Variants in FOXP2 observed in about 807,000 individuals in gnomAD.
The protein encoded by FOXP2 is forkhead box protein P2.
In FOXP2, 12 loss-of-function variants were observed where a neutral mutation model predicts 115.8. The ratio of observed to expected loss-of-function variants is 0.10; its 90% CI spans 0.07 to 0.17. The LOEUF is 0.17. FOXP2 is among the 10% of genes least tolerant of loss of function. FOXP2 has a pLI of 1.00. For synonymous variants in FOXP2, 328 were observed against 297.7 expected, an observed-to-expected ratio of 1.10 and a Z score of -1.05; for missense variants, 629 against 843.5, an observed-to-expected ratio of 0.75 and a Z score of 3.15.
At chr7:114,480,495 T>G (rs1191688456) in intron 2 of FOXP2, among the ~76,000 whole-genome samples, 2 of 151,084 alleles carry the variant, frequency 1.3e-5, no homozygotes, top group African/African-American at 4.8e-5. Flanking sequence ...ATTGTCACCA[T>G]GACGCAGAAA....
At chr7:114,246,858 A>G (rs898211122) in intron 1 of FOXP2, among the ~76,000 whole-genome samples, 4 of 152,172 alleles carry the variant, frequency 2.6e-5, no homozygotes, top group African/African-American at 9.6e-5. Flanking sequence ...GAAAATGTGC[A>G]GTGGACTGTT....
intron 2 of FOXP2, among the ~76,000 whole-genome samples, chr7:114,357,304 A>G (rs1314102738): frequency 6.6e-6 from 1 of 152,200 alleles, no homozygotes; most frequent in Non-Finnish European, 1.5e-5. Flanking sequence ...GTCACCTAGG[A>G]TAAACTGGAA....
chr7:114,235,279 T>A (rs1290003829), intron 1 of FOXP2, among the ~76,000 whole-genome samples: 1 of 152,222 alleles, frequency 6.6e-6, no homozygotes, highest in Non-Finnish European at 1.5e-5. Flanking sequence ...TTATTTTATA[T>A]CTGTGCATAT....
At chr7:114,611,061 A>G (rs1415802557) in intron 3 of FOXP2, among the ~76,000 whole-genome samples, 1 of 152,216 alleles carries the variant, frequency 6.6e-6, no homozygotes, top group Non-Finnish European at 1.5e-5. Context: ...TTTCATCCGT[A>G]TCTTTGTGTA....
intron 8 of FOXP2, among the ~76,000 whole-genome samples, chr7:114,650,331 A>G (rs890733735): frequency 1.3e-5 from 2 of 151,930 alleles, no homozygotes; most frequent in Non-Finnish European, 2.9e-5. Context: ...CTGCATTTAC[A>G]CCCTAATCTC....
At chr7:114,160,342 TC>T (rs1184522075), upstream of FOXP2, among the ~76,000 whole-genome samples, 2 of 152,094 alleles carry the variant, frequency 1.3e-5, no homozygotes, top group Non-Finnish European at 2.9e-5. Context: ...GATATTGTTT[TC>T]TGAGCCCCAA....
chr7:114,213,649 G>T (rs1794413202), intron 1 of FOXP2, among the ~76,000 whole-genome samples: 2 of 152,016 alleles, frequency 1.3e-5, no homozygotes, highest in Admixed American at 1.3e-4. Context: ...TATTACTTCT[G>T]AGTTTATCCT....
intron 6 of FOXP2, among the ~76,000 whole-genome samples, chr7:114,636,819 A>G (rs998246009): frequency 2.0e-5 from 3 of 152,126 alleles, no homozygotes; most frequent in Non-Finnish European, 2.9e-5. Flanking sequence ...ATTTTAATTA[A>G]TTCTTAGCAC....
chr7:114,686,284 C>T (rs953231910), intron 16 of FOXP2, among the ~76,000 whole-genome samples: 5 of 151,916 alleles, frequency 3.3e-5, no homozygotes, highest in African/African-American at 1.2e-4. Context: ...GTGATTTTCC[C>T]ACCTCGGCCT....
At position 114,644,801 on chromosome 7, in the gene FOXP2, A is replaced by G; in HGVS notation, c.1094+12A>G. On this transcript the variant is annotated intron_variant, in intron 8 of 16. Transcript: ENST00000350908. ...GGACAGTTTTTAAAGTAGGTTTTTT[A>G]CTTTTTTTTGGTGGGGGGCGGGGGC... 6.2e-7 allele frequency: 1 copy of G among 1,603,012 alleles called. No individual in the cohort carries two copies.
chr7:114,429,435 A>G (rs1794009887), intron 2 of FOXP2, among the ~76,000 whole-genome samples: 1 of 151,508 alleles, frequency 6.6e-6, no homozygotes, highest in South Asian at 2.1e-4. Context: ...ATTCCTTTCT[A>G]ATCTTCAAAA....
chr7:114,126,502 G>A (rs1791713590), intron 1 of FOXP2, among the ~76,000 whole-genome samples: 1 of 152,032 alleles, frequency 6.6e-6, no homozygotes, highest in South Asian at 2.1e-4. Context: ...TAGATGTTGG[G>A]TTTATCAACT....
chr7:114,621,344 AAGGTATAGTTTGGG>A (rs1349357813), intron 3 of FOXP2, among the ~76,000 whole-genome samples: 2 of 152,060 alleles, frequency 1.3e-5, no homozygotes, highest in Non-Finnish European at 2.9e-5. Flanking sequence ...TATAAGGCAA[AAGGTATAGTTTGGG>A]ATATTATGGT....
At chr7:114,179,476 C>G (rs972646666) in intron 1 of FOXP2, among the ~76,000 whole-genome samples, 4 of 151,896 alleles carry the variant, frequency 2.6e-5, no homozygotes, top group African/African-American at 9.7e-5. Context: ...ATGCCTTGTT[C>G]AAGCCTGTGT....
At chr7:114,136,019 C>A (rs1392651854) in intron 1 of FOXP2, among the ~76,000 whole-genome samples, 1 of 151,900 alleles carries the variant, frequency 6.6e-6, no homozygotes, top group African/African-American at 2.4e-5. Context: ...CAGTATAAAG[C>A]CCAAACAAGA....
At chr7:114,487,583 T>C (rs1796852892) in intron 2 of FOXP2, among the ~76,000 whole-genome samples, 1 of 152,154 alleles carries the variant, frequency 6.6e-6, no homozygotes, top group African/African-American at 2.4e-5. Flanking sequence ...GCTGCAAATT[T>C]TCCAAACTTT....
intron 3 of FOXP2, among the ~76,000 whole-genome samples, chr7:114,600,078 C>T (rs1242850151): frequency 2.0e-5 from 3 of 152,074 alleles, no homozygotes; most frequent in African/African-American, 7.2e-5. Context: ...TGGTCTTTCA[C>T]AGTTCTATAG....
chr7:114,127,365 A>C (rs997341212), intron 1 of FOXP2, among the ~76,000 whole-genome samples: 1 of 152,164 alleles, frequency 6.6e-6, no homozygotes, highest in African/African-American at 2.4e-5. Context: ...GGAAAAGATT[A>C]TATAAGGGCA....
intron 1 of FOXP2, among the ~76,000 whole-genome samples, chr7:114,174,081 TTGA>T (rs1452305322): frequency 1.3e-5 from 2 of 152,014 alleles, no homozygotes; most frequent in African/African-American, 4.8e-5. Context: ...TGGCACTTAC[TTGA>T]TGGTAGTAGT....
Sources: gnomAD v4.1 joint callset for allele counts (sites outside exome capture counted in the v4.1 genomes callset) on GRCh38, gnomAD v4.1.1 for gene constraint, MANE v1.5 for transcripts, NCBI Gene and HGNC (gene_info 2026-07-23, HGNC 2026-07-21) for gene names.